NTM: variants seen among roughly 807,000 people sequenced by gnomAD.
NTM encodes neurotrimin, also known as IgLON family member 2.
A neutral mutation model predicts 42.1 loss-of-function variants in NTM; 13 were observed. That is an observed-to-expected ratio of 0.31 (90% confidence interval 0.20 to 0.49). NTM has a LOEUF of 0.49. Among genes scored for constraint, NTM ranks in the 20% least tolerant of loss-of-function variants. The probability of loss-of-function intolerance (pLI) is 0.99; values close to 1 mark genes in which losing one functional copy is unlikely to be tolerated. For missense variants in NTM, 373 were observed against 452.8 expected (o/e 0.82, Z 1.60); for synonymous variants, 187 against 179.2 (o/e 1.04, Z -0.35).
intron 2 of NTM, among the ~76,000 whole-genome samples, chr11:132,085,534 C>T (rs1254778007): frequency 6.6e-6 from 1 of 152,228 alleles, no homozygotes; most frequent in Non-Finnish European, 1.5e-5. Context: ...ATTTTAACAA[C>T]ATTTGCATTT....
intron 7 of NTM, among the ~76,000 whole-genome samples, chr11:132,322,016 C>T (rs1183875931): frequency 3.3e-5 from 5 of 151,722 alleles, no homozygotes; most frequent in African/African-American, 1.2e-4. Flanking sequence ...CCTAAAAGAG[C>T]TCCTGAAGGA....
chr11:131,584,272 T>A (rs1157953289), intron 1 of NTM, among the ~76,000 whole-genome samples: 1 of 152,224 alleles, frequency 6.6e-6, no homozygotes, highest in Admixed American at 6.5e-5. Context: ...AAAAGTGAGC[T>A]GATCAGCATC....
intron 3 of NTM, among the ~76,000 whole-genome samples, chr11:132,149,788 A>G (rs1440136123): frequency 6.6e-6 from 1 of 152,116 alleles, no homozygotes; most frequent in Non-Finnish European, 1.5e-5. Flanking sequence ...AGGGAGATGG[A>G]GGGGGAAGGC....
At chr11:131,395,643 T>G (rs980020733) in intron 1 of NTM, among the ~76,000 whole-genome samples, 1 of 152,198 alleles carries the variant, frequency 6.6e-6, no homozygotes, top group African/African-American at 2.4e-5. Context: ...TTAGAACCGC[T>G]CTGAGTTTTT....
At chr11:132,234,622 G>A (rs74884785) in intron 4 of NTM, among the ~76,000 whole-genome samples, 5,924 of 152,088 alleles carry the variant, frequency 0.039, 344 homozygotes, top group African/African-American at 0.13. Flanking sequence ...CCGTAATTAC[G>A]ATTTCATAAT....
intron 2 of NTM, among the ~76,000 whole-genome samples, chr11:131,944,135 G>A (rs1451968494): frequency 6.6e-6 from 1 of 152,078 alleles, no homozygotes; most frequent in Non-Finnish European, 1.5e-5. Flanking sequence ...TATGCTTTTG[G>A]TAGCAGATAA....
chr11:131,840,920 G>A (rs1343318894), intron 1 of NTM, among the ~76,000 whole-genome samples: 1 of 152,202 alleles, frequency 6.6e-6, no homozygotes, highest in African/African-American at 2.4e-5. Context: ...GATGACAGAA[G>A]GTGTGAAATG....
At chr11:132,173,243 A>G in intron 3 of NTM, among the ~76,000 whole-genome samples, 1 of 152,232 alleles carries the variant, frequency 6.6e-6, no homozygotes, top group Non-Finnish European at 1.5e-5. Context: ...TATGTCCTCT[A>G]TACACATTTC....
intron 1 of NTM, among the ~76,000 whole-genome samples, chr11:131,875,976 A>T (rs2048482988): frequency 6.6e-6 from 1 of 152,210 alleles, no homozygotes; most frequent in Non-Finnish European, 1.5e-5. Context: ...TGCAAGGGAG[A>T]GTCGGGCCCA....
At chr11:131,971,210 C>G (rs1268331222) in intron 2 of NTM, among the ~76,000 whole-genome samples, 1 of 152,192 alleles carries the variant, frequency 6.6e-6, no homozygotes, top group Non-Finnish European at 1.5e-5. Flanking sequence ...CTGCATGCAT[C>G]TCCAACAAAA....
At chr11:131,741,165 GAGA>G (rs1331180312) in intron 1 of NTM, among the ~76,000 whole-genome samples, 1 of 3,824 alleles carries the variant, frequency 2.6e-4, no homozygotes, top group African/African-American at 4.1e-4. Context: ...ACCCCGTTGA[GAGA>G]GAGAGAGAGA....
At chr11:131,638,276 T>C (rs2064668922) in intron 1 of NTM, among the ~76,000 whole-genome samples, 1 of 152,080 alleles carries the variant, frequency 6.6e-6, no homozygotes, top group Admixed American at 6.6e-5. Flanking sequence ...GAAAACATGC[T>C]AACAAGGAGG....
At chr11:132,022,862 T>C (rs2074555313) in intron 2 of NTM, among the ~76,000 whole-genome samples, 1 of 152,326 alleles carries the variant, frequency 6.6e-6, no homozygotes, top group Admixed American at 6.5e-5. Context: ...ATAATTGGAT[T>C]TGTAAGTCAG....
At chr11:131,451,338 A>G (rs1181696875) in intron 1 of NTM, among the ~76,000 whole-genome samples, 2 of 152,220 alleles carry the variant, frequency 1.3e-5, no homozygotes, top group Non-Finnish European at 2.9e-5. Flanking sequence ...TATTTTAAAG[A>G]CACATTACTT....
chr11:131,420,088 G>T (rs1444287258), intron 1 of NTM, among the ~76,000 whole-genome samples: 1 of 152,140 alleles, frequency 6.6e-6, no homozygotes, highest in Non-Finnish European at 1.5e-5. Context: ...CATAATGAGG[G>T]ACCATTTGTC....
chr11:132,104,858 T>C, intron 2 of NTM, among the ~76,000 whole-genome samples: 1 of 144,684 alleles, frequency 6.9e-6, no homozygotes, highest in Non-Finnish European at 1.5e-5. Context: ...TGAGCTGTGA[T>C]TGTGGCACTG....
At chr11:131,815,908 G>T (rs1004696336) in intron 1 of NTM, among the ~76,000 whole-genome samples, 5 of 152,204 alleles carry the variant, frequency 3.3e-5, no homozygotes, top group African/African-American at 1.2e-4. Flanking sequence ...GCCCCAGCTG[G>T]TCTCTGCAGG....
chr11:131,735,511 G>C (rs1246243136), intron 1 of NTM, among the ~76,000 whole-genome samples: 1 of 152,328 alleles, frequency 6.6e-6, no homozygotes, highest in South Asian at 2.1e-4. Context: ...GATGTGTGGG[G>C]TTGTATTGTC....
intron 1 of NTM, among the ~76,000 whole-genome samples, chr11:131,464,088 T>C (rs1417591326): frequency 1.3e-5 from 2 of 152,140 alleles, no homozygotes; most frequent in Admixed American, 1.3e-4. Flanking sequence ...TCTCTGGAGA[T>C]TGTGGATGAG....
Sources: gnomAD v4.1 joint callset for allele counts (sites outside exome capture counted in the v4.1 genomes callset) on GRCh38, gnomAD v4.1.1 for gene constraint, MANE v1.5 for transcripts, NCBI Gene and HGNC (gene_info 2026-07-23, HGNC 2026-07-21) for gene names.